ZBBX: variants seen among roughly 807,000 people sequenced by gnomAD.
ZBBX encodes zinc finger B-box domain-containing protein 1.
ZBBX carries 101 observed loss-of-function variants against 108.5 expected under a neutral mutation model. The ratio of observed to expected loss-of-function variants is 0.93; its 90% CI spans 0.79 to 1.10. The LOEUF (loss-of-function observed/expected upper bound fraction) is 1.10, where lower values mean the gene tolerates loss of function less well. Among genes scored for constraint, ZBBX ranks in the 50% least tolerant of loss-of-function variants. The pLI is 0.00. For missense variants in ZBBX, 1,009 were observed against 941.4 expected (o/e 1.07, Z -0.94); for synonymous variants, 356 against 323.4 (o/e 1.10, Z -1.08).
chr3:167,308,510 T>C (rs1013251767), intron 16 of ZBBX, among the ~76,000 whole-genome samples: 4 of 152,296 alleles, frequency 2.6e-5, no homozygotes, highest in Non-Finnish European at 5.9e-5. Context: ...CATGTATATG[T>C]ATGCTCAATG....
chr3:167,364,937 C>A (rs1043579570), intron 6 of ZBBX, among the ~76,000 whole-genome samples: 3 of 151,638 alleles, frequency 2.0e-5, no homozygotes, highest in African/African-American at 7.3e-5. Flanking sequence ...TGTTTGACTT[C>A]CTCCTCTCCT....
intron 17 of ZBBX, among the ~76,000 whole-genome samples, chr3:167,305,158 C>G (rs1643022874): frequency 6.6e-6 from 1 of 152,056 alleles, no homozygotes. Context: ...TGAGAAGAAA[C>G]AAAATCTACA....
chr3:167,317,133 C>A (rs756175499), intron 13 of ZBBX, 28 bp from the exon 14 acceptor site: 2 of 1,387,876 alleles, frequency 1.4e-6, no homozygotes, highest in Admixed American at 3.6e-5. Flanking sequence ...CAAATAATAT[C>A]ATCAAAGAAT....
intron 9 of ZBBX, among the ~76,000 whole-genome samples, chr3:167,338,227 C>T (rs774634429): frequency 1.4e-4 from 21 of 152,118 alleles, no homozygotes; most frequent in Non-Finnish European, 3.1e-4. Flanking sequence ...CTCACCTAAA[C>T]TTTTTTTCTG....
chr3:167,252,288 A>C, intron 20 of ZBBX: 1 of 925,776 alleles, frequency 1.1e-6, no homozygotes, highest in Non-Finnish European at 1.5e-6. Context: ...GAACATATTT[A>C]CATTTATATA....
intron 19 of ZBBX, among the ~76,000 whole-genome samples, chr3:167,286,011 T>C (rs921998499): frequency 6.6e-6 from 1 of 151,602 alleles, no homozygotes; most frequent in Non-Finnish European, 1.5e-5. Context: ...ACAAGAAAAA[T>C]AAAAGAAGGT....
chr3:167,385,751 T>A (rs1443958421), intron 1 of ZBBX, among the ~76,000 whole-genome samples: 1 of 152,012 alleles, frequency 6.6e-6, no homozygotes, highest in African/African-American at 2.4e-5. Flanking sequence ...GTCAGGATCA[T>A]CAAGACATCC....
intron 8 of ZBBX, among the ~76,000 whole-genome samples, chr3:167,355,882 T>G (rs890609834): frequency 2.0e-5 from 3 of 152,082 alleles, no homozygotes; most frequent in Non-Finnish European, 4.4e-5. Flanking sequence ...GTTTTTCAGG[T>G]AAATCAGCTG....
the ZBBX span, among the ~76,000 whole-genome samples, chr3:167,186,229 T>A: frequency 2.0e-5 from 3 of 152,068 alleles, no homozygotes; most frequent in African/African-American, 7.2e-5. Flanking sequence ...GATTACTTTA[T>A]TTCAAAAGGG....
chr3:167,252,690 G>C (rs1722822879), intron 20 of ZBBX, among the ~76,000 whole-genome samples: 1 of 152,016 alleles, frequency 6.6e-6, no homozygotes, highest in African/African-American at 2.4e-5. Flanking sequence ...TACCAAGTGT[G>C]TGCTTGCTTT....
rs10645171 is a variant in ZBBX at position 167,327,913 on chromosome 3, C to CAAAAA, written c.862+24_862+28dup. ...TGGGCAACAAAGTGAGACTCTGTCT[C>CAAAAA]AAAAAAAAAAAAAAAAAAAAAGCCA... On this transcript the variant is annotated intron_variant, in intron 11 of 21. Coordinates refer to ENST00000675490, the MANE Select transcript of ZBBX (RefSeq NM_001199201.2). The CAAAAA allele has an allele frequency of 2.8e-4, 328 of 1,160,268 alleles. 1 individual carries two copies. Among genetic ancestry groups the CAAAAA allele is most frequent in the South Asian group, 1.0e-3 (58 of 55,734 alleles). 71.9% of individuals were successfully genotyped at this position (1,160,268 alleles called of 1,614,324 possible).
At chr3:167,188,144 T>C in the ZBBX span, among the ~76,000 whole-genome samples, 11 of 152,138 alleles carry the variant, frequency 7.2e-5, no homozygotes, top group African/African-American at 2.7e-4. Context: ...AAACAATTAT[T>C]TGGAAGGAAA....
chr3:167,323,161 T>C (rs368806092), intron 11 of ZBBX, among the ~76,000 whole-genome samples: 3 of 143,318 alleles, frequency 2.1e-5, no homozygotes, highest in East Asian at 2.2e-4. Context: ...GAGCAAGTCA[T>C]GAGAGAGAAG....
At position 167,304,718 on chromosome 3, in the gene ZBBX, C is replaced by A. The variant is rs187920473; in HGVS notation, c.1725+925G>T. 1.8e-3 allele frequency among the ~76,000 whole-genome samples: 271 copies of A among 152,128 alleles called. 1 individual carries two copies. Among genetic ancestry groups the A allele is most frequent in the Non-Finnish European group, 3.3e-3 (223 of 67,958 alleles). On this transcript the variant is annotated intron_variant, in intron 17 of 21. Coordinates refer to ENST00000675490, the MANE Select transcript of ZBBX (RefSeq NM_001199201.2). ...CAGGTGAAACGTTTTATTGGCCTAG[C>A]CCAGATCACTTGCAGAGATCAGTTT... is the stretch of plus-strand genomic sequence containing the variant.
At chr3:167,406,310 G>A (rs986755024) in intron 1 of ZBBX, among the ~76,000 whole-genome samples, 1 of 152,202 alleles carries the variant, frequency 6.6e-6, no homozygotes, top group Non-Finnish European at 1.5e-5. Context: ...CAGTGGTAAG[G>A]TTTGGCACAG....
At chr3:167,179,848 C>G in the ZBBX span, among the ~76,000 whole-genome samples, 9 of 152,140 alleles carry the variant, frequency 5.9e-5, no homozygotes, top group Non-Finnish European at 1.2e-4. Context: ...AAAACTGAAA[C>G]AGTTTCATTT....
intron 9 of ZBBX, among the ~76,000 whole-genome samples, chr3:167,346,725 T>C (rs930794434): frequency 5.3e-5 from 8 of 151,810 alleles, no homozygotes; most frequent in South Asian, 2.1e-4. Flanking sequence ...CACTACAAGA[T>C]TGGTTAGTGA....
intron 1 of ZBBX, among the ~76,000 whole-genome samples, chr3:167,407,283 G>A (rs1748614916): frequency 6.6e-6 from 1 of 152,106 alleles, no homozygotes; most frequent in South Asian, 2.1e-4. Context: ...AACTTTAAAT[G>A]ATTTTTTGAT....
chr3:167,343,957 G>C (rs1011116575), intron 9 of ZBBX, among the ~76,000 whole-genome samples: 10 of 151,582 alleles, frequency 6.6e-5, no homozygotes, highest in Non-Finnish European at 1.3e-4. Context: ...GCCAAAAGGT[G>C]GAAACAACCC....
Sources: allele counts gnomAD v4.1 joint callset (sites outside exome capture counted in the v4.1 genomes callset), GRCh38; gene constraint gnomAD v4.1.1; transcripts MANE v1.5; gene names NCBI Gene and HGNC (gene_info 2026-07-23, HGNC 2026-07-21).